Variants in NEK4 observed in about 807,000 individuals in gnomAD.
NEK4 encodes serine/threonine-protein kinase Nek4.
NEK4 carries 86 observed loss-of-function variants against 98.4 expected under a neutral mutation model. That is an observed-to-expected ratio of 0.87 (90% CI 0.73 to 1.05). NEK4 has a LOEUF of 1.05. NEK4 is among the 50% of genes least tolerant of loss of function. NEK4 has a pLI of 0.00. For synonymous variants in NEK4, 328 were observed against 342.2 expected, an observed-to-expected ratio of 0.96 and a Z score of 0.46; for missense variants, 898 against 950.3, an observed-to-expected ratio of 0.94 and a Z score of 0.72.
intron 12 of NEK4, 40 bp downstream of exon 12, chr3:52,743,312 G>T: frequency 6.6e-7 from 1 of 1,515,136 alleles, no homozygotes. Flanking sequence ...CCTGCCAGAT[G>T]TAGACTGTCC....
intron 15 of NEK4, 156 bp downstream of exon 15, chr3:52,737,430 G>A (rs1025524477): frequency 8.8e-6 from 6 of 679,790 alleles, no homozygotes; most frequent in African/African-American, 3.6e-5. Context: ...TTCTAATATC[G>A]ATTGTGGTAA....
rs370372039 is a variant in NEK4 at position 52,752,217 on chromosome 3, T to C, written c.1083A>G (p.Thr361=). The C allele has an allele frequency of 1.2e-6, 2 of 1,614,078 alleles. No individual in the cohort carries two copies. The highest frequency in any genetic ancestry group is 2.7e-5 in the African/African-American group (2 of 74,924). Residue 361 remains threonine, a synonymous_variant, in exon 7 of 16, where the codon ACA becomes ACG. Transcript: ENST00000233027. ...AGATGTCAATATTTACGCTACTGAT[T>C]GTGGCTAGTTCTGTGGTATTGCTCA... ...QDLSNTTELA[T]ISSVNIDILP...
At chr3:52,731,884 T>C (rs1402859840) in intron 15 of NEK4, among the ~76,000 whole-genome samples, 2 of 152,208 alleles carry the variant, frequency 1.3e-5, no homozygotes, top group African/African-American at 2.4e-5. Context: ...AAGTGAATCA[T>C]GGGGACGGGT....
At chr3:52,726,386 C>G (rs1483800702) in intron 15 of NEK4, among the ~76,000 whole-genome samples, 1 of 151,954 alleles carries the variant, frequency 6.6e-6, no homozygotes, top group African/African-American at 2.4e-5. Context: ...ATCACGAGCT[C>G]AGGAGATTGA....
chr3:52,738,965 C>T (rs928314123), intron 14 of NEK4, among the ~76,000 whole-genome samples: 2 of 152,152 alleles, frequency 1.3e-5, no homozygotes, highest in Admixed American at 1.3e-4. Context: ...TTCAGGAATA[C>T]CTCTGTTGCA....
chr3:52,737,343 G>A (rs1332587249), intron 15 of NEK4, among the ~76,000 whole-genome samples: 1 of 152,104 alleles, frequency 6.6e-6, no homozygotes, highest in African/African-American at 2.4e-5. Flanking sequence ...AAATCTTCAT[G>A]ACTTCAGATT....
At chr3:52,735,791 T>A (rs1394845720) in intron 15 of NEK4, among the ~76,000 whole-genome samples, 2 of 152,256 alleles carry the variant, frequency 1.3e-5, no homozygotes, top group African/African-American at 4.8e-5. Flanking sequence ...AAAAAGAATT[T>A]ACATGATAAG....
At chr3:52,714,102 G>A (rs764889634) in intron 15 of NEK4, among the ~76,000 whole-genome samples, 17 of 152,082 alleles carry the variant, frequency 1.1e-4, no homozygotes, top group Non-Finnish European at 2.1e-4. Flanking sequence ...CAGGTGTGGT[G>A]GTGTGCACCT....
intron 15 of NEK4, among the ~76,000 whole-genome samples, chr3:52,737,022 C>T (rs565637026): frequency 6.6e-5 from 10 of 152,224 alleles, no homozygotes; most frequent in South Asian, 6.2e-4. Context: ...CTGCAACCTC[C>T]GCCTCCTAGG....
At chr3:52,759,971 G>GTC (rs34148081) in intron 6 of NEK4, among the ~76,000 whole-genome samples, 54,699 of 151,836 alleles carry the variant, frequency 0.36, 10,463 homozygotes, top group Admixed American at 0.47. Context: ...GAAACAAAAG[G>GTC]ATATATTTAA....
Position 52,746,837 on chromosome 3 carries a change from T to C in NEK4, c.1574A>G (p.Asn525Ser), listed in dbSNP as rs776292752. The C allele has an allele frequency of 6.2e-7, 1 of 1,614,014 alleles. No individual in the cohort carries two copies. The highest frequency in any genetic ancestry group is 8.5e-7 in the Non-Finnish European group (1 of 1,179,916). ...AGACAGGGAAGGTTCAGACCCAGAG[T>C]TGTGTGGCTGTAAATCTGGGTGGAT... ...GRIHPDLQPH[N>S]SGSEPSLSRQ... The change falls in exon 9 of 16, where the codon AAC becomes AGC. Residue 525 changes from asparagine (N) to serine (S), a missense_variant. Physicochemically the swap from Asn to Ser is conservative, Grantham distance 46 (BLOSUM62 1). Coordinates refer to ENST00000233027, the MANE Select transcript of NEK4 (RefSeq NM_003157.6).
intron 15 of NEK4, chr3:52,732,920 C>G: frequency 4.4e-6 from 1 of 229,050 alleles, no homozygotes. Flanking sequence ...TCACATCTGC[C>G]TGAATTGCAG....
In NEK4 at chr3:52,711,525, C is replaced by G. The variant is rs114513483; in HGVS notation, c.*252G>C. On this transcript the variant is annotated 3_prime_UTR_variant, in exon 16 of 16. Transcript: ENST00000233027. ...ACTTGGTGGATTAAGGCTCAGTAAA[C>G]AGTAATCAAACAAACAACAGATTTG... 1,161 of 324,780 alleles carry G rather than the reference C, an allele frequency of 3.6e-3. 11 individuals are homozygous for G. Among genetic ancestry groups the G allele is most frequent in the African/African-American group, 0.023 (1,065 of 46,824 alleles). The allele number at this position is 324,780 out of a possible 1,614,324, so 20.1% of individuals were successfully genotyped here.
Position 52,770,890 on chromosome 3 carries a change from C to T in NEK4, c.-144G>A, listed in dbSNP as rs1698759592. 1.5e-6 allele frequency: 1 copy of T among 679,908 alleles called. No individual in the cohort carries two copies. Among genetic ancestry groups the T allele is most frequent in the Non-Finnish European group, 2.5e-6 (1 of 405,984 alleles). 42.1% of individuals were successfully genotyped at this position (679,908 alleles called of 1,614,324 possible). ...CGGGCCCGGGCGGGATTGCTGGGGCCCGGCCCGCGACGACGCCGCTGCCAT... is the reference window on the plus strand; with the variant it reads ...CGGGCCCGGGCGGGATTGCTGGGGCTCGGCCCGCGACGACGCCGCTGCCAT... On this transcript the variant is annotated 5_prime_UTR_variant, in exon 1 of 16. Coordinates refer to ENST00000233027, the MANE Select transcript of NEK4 (RefSeq NM_003157.6).
rs530082654 is a variant in NEK4, at chr3:52,723,402, C to T, written c.2434-11533G>A. On this transcript the variant is annotated intron_variant, in intron 15 of 15. Coordinates refer to ENST00000233027, the MANE Select transcript of NEK4 (RefSeq NM_003157.6). ...AGCTGGAATTACAGGTGCATGCCAC[C>T]GTGCCTAATTGTTGTACTTTTAGTG... 3.4e-3 allele frequency among the ~76,000 whole-genome samples: 520 copies of T among 152,134 alleles called. 1 individual carries two copies. Among genetic ancestry groups the T allele is most frequent in the Non-Finnish European group, 5.1e-3 (347 of 68,016 alleles).
chr3:52,739,390 C>T (rs1461612498), intron 14 of NEK4, 39 bp downstream of exon 14: 1 of 1,560,026 alleles, frequency 6.4e-7, no homozygotes, highest in African/African-American at 1.4e-5. Flanking sequence ...CAGAGTGAGA[C>T]TCCGTCTAAA....
chr3:52,754,696 A>G (rs1578684825), intron 6 of NEK4: 2 of 563,640 alleles, frequency 3.5e-6, no homozygotes, highest in East Asian at 9.0e-5. Flanking sequence ...GCAACTTAAG[A>G]GATGGTGAAT....
In NEK4 at chr3:52,770,749, TC is replaced by T; in HGVS notation, c.-4del. ...TAGCAGTAGGCGGCCAGGGGCATGT[TC>T]CCAGCGCTGGCCCAGAGTCGGGATG... On this transcript the variant is annotated 5_prime_UTR_variant, in exon 1 of 16. Transcript: ENST00000233027. The T allele has an allele frequency of 6.4e-7, 1 of 1,560,634 alleles. No individual in the cohort carries two copies.
chr3:52,719,973 AG>A (rs2097358608), intron 15 of NEK4, among the ~76,000 whole-genome samples: 1 of 152,164 alleles, frequency 6.6e-6, no homozygotes, highest in African/African-American at 2.4e-5. Context: ...AGAAAACACC[AG>A]AAGAGGAGAG....
Sources: gnomAD v4.1 joint callset for allele counts (sites outside exome capture counted in the v4.1 genomes callset) on GRCh38, gnomAD v4.1.1 for gene constraint, MANE v1.5 for transcripts, NCBI Gene and HGNC (gene_info 2026-07-23, HGNC 2026-07-21) for gene names.